The following EPHA5 variants were observed in gnomAD, a reference collection of about 807,000 sequenced individuals.
EPHA5 encodes EPH receptor A5, also known as ephrin type-A receptor 5.
In EPHA5, 60 loss-of-function variants were observed where a neutral mutation model predicts 105.0. The ratio of observed to expected loss-of-function variants is 0.57; its 90% CI spans 0.46 to 0.71. EPHA5 has a LOEUF of 0.71. EPHA5 is among the 30% of genes least tolerant of loss of function. EPHA5 has a pLI of 0.00. For synonymous variants in EPHA5, 513 were observed against 449.1 expected (o/e 1.14, Z -1.80); for missense variants, 1,218 against 1,274.7 (o/e 0.96, Z 0.68).
intron 5 of EPHA5, among the ~76,000 whole-genome samples, chr4:65,422,195 G>C (rs1724010062): frequency 6.6e-6 from 1 of 152,038 alleles, no homozygotes; most frequent in South Asian, 2.1e-4. Flanking sequence ...CCATTTCTGA[G>C]CTCAGAATAG....
At chr4:65,453,156 A>G (rs912072111) in intron 5 of EPHA5, among the ~76,000 whole-genome samples, 9 of 152,206 alleles carry the variant, frequency 5.9e-5, no homozygotes, top group African/African-American at 2.2e-4. Flanking sequence ...ACACATAAAA[A>G]GTTATACCTA....
chr4:65,643,363 C>A lies in EPHA5; in HGVS notation c.246G>T (p.Gly82=), dbSNP rs1241214939. 1 of 1,611,984 alleles carries A rather than the reference C, an allele frequency of 6.2e-7. No individual in the cohort carries two copies. Among genetic ancestry groups the A allele is most frequent in the Non-Finnish European group, 8.5e-7 (1 of 1,178,430 alleles). Residue 82 remains glycine (G), a splice_region_variant and synonymous_variant, in exon 2 of 17, where the codon GGG becomes GGT. Coordinates refer to ENST00000613740, the MANE Select transcript of EPHA5 (RefSeq NM_001281766.3). ...DLGWIAFPKN[G]WEEIGEVDEN... ...TTAGAAAAACTTTCATAAAACTTAC[C>A]CCATTTTTTGGAAAAGCAATCCATC...
At chr4:65,442,605 A>C (rs1286440432) in intron 5 of EPHA5, among the ~76,000 whole-genome samples, 1 of 152,172 alleles carries the variant, frequency 6.6e-6, no homozygotes, top group Non-Finnish European at 1.5e-5. Flanking sequence ...GGACATCCAG[A>C]TATGTAAGTG....
At chr4:65,395,929 C>T (rs557897292) in intron 8 of EPHA5, among the ~76,000 whole-genome samples, 23 of 152,300 alleles carry the variant, frequency 1.5e-4, no homozygotes, top group South Asian at 2.1e-4. Flanking sequence ...CATGGTTATG[C>T]GCTCTATGGA....
intron 1 of EPHA5, among the ~76,000 whole-genome samples, chr4:65,657,194 C>A (rs2149540533): frequency 6.6e-6 from 1 of 151,970 alleles, no homozygotes. Flanking sequence ...TCAAAATAAT[C>A]CAAGAAATCT....
Position 65,563,718 on chromosome 4 carries a change from T to C in EPHA5, c.910+37923A>G, listed in dbSNP as rs373914492. Among the ~76,000 whole-genome samples, 13 of 152,088 alleles carry C rather than the reference T, an allele frequency of 8.5e-5. No individual in the cohort carries two copies. In the East Asian group the frequency reaches 2.5e-3, roughly 29 times the overall value. Reference sequence around the variant, plus strand: ...GCAAGCACTCTTTTGATGAAAATATTTGGAAATTAGCACATGAAAACATTG... The same window carrying C: ...GCAAGCACTCTTTTGATGAAAATATCTGGAAATTAGCACATGAAAACATTG... On this transcript the variant is annotated intron_variant, in intron 3 of 16. Transcript: ENST00000613740.
intron 1 of EPHA5, among the ~76,000 whole-genome samples, chr4:65,651,720 T>C (rs1317413293): frequency 6.6e-6 from 1 of 152,214 alleles, no homozygotes; most frequent in Non-Finnish European, 1.5e-5. Context: ...TCTTCAAAAG[T>C]TAAGCAGTAG....
chr4:65,618,497 C>T (rs1442775730), intron 2 of EPHA5, among the ~76,000 whole-genome samples: 1 of 152,040 alleles, frequency 6.6e-6, no homozygotes, highest in Non-Finnish European at 1.5e-5. Context: ...AATTAGTTTT[C>T]ACAAGAATTT....
chr4:65,422,803 T>G (rs1724062059), intron 5 of EPHA5, among the ~76,000 whole-genome samples: 2 of 152,090 alleles, frequency 1.3e-5, no homozygotes, highest in South Asian at 4.1e-4. Context: ...GTTTTAAATT[T>G]AGAATAGCTT....
At chr4:65,411,957 G>A (rs758550471) in intron 7 of EPHA5, among the ~76,000 whole-genome samples, 71 of 152,116 alleles carry the variant, frequency 4.7e-4, no homozygotes, top group Admixed American at 1.3e-3. Flanking sequence ...GGCTGGGCAC[G>A]GTGGCTGACG....
intron 5 of EPHA5, among the ~76,000 whole-genome samples, chr4:65,460,366 A>G (rs1415269438): frequency 6.6e-6 from 1 of 151,356 alleles, no homozygotes; most frequent in Non-Finnish European, 1.5e-5. Context: ...TTCACCTTCA[A>G]CTATACTATT....
At chr4:65,326,020 T>C (rs1720041956) in intron 16 of EPHA5, among the ~76,000 whole-genome samples, 1 of 148,096 alleles carries the variant, frequency 6.8e-6, no homozygotes. Context: ...ATCTCATATA[T>C]ATATATATCT....
chr4:65,467,433 C>A (rs1728825874), intron 5 of EPHA5, among the ~76,000 whole-genome samples: 1 of 152,166 alleles, frequency 6.6e-6, no homozygotes, highest in South Asian at 2.1e-4. Flanking sequence ...TGAATCTGAA[C>A]TGATCTTTTG....
chr4:65,429,821 T>G lies in EPHA5; in HGVS notation c.1403-9256A>C, dbSNP rs1458449556. ...CTGACATGATTTCTTCAAAATCTGA[T>G]ATTATGCCAGTAGACACAAAAAAAT... On this transcript the variant is annotated intron_variant, in intron 5 of 16. Coordinates refer to ENST00000613740, the MANE Select transcript of EPHA5 (RefSeq NM_001281766.3). Among the ~76,000 whole-genome samples, 28 of 152,226 alleles carry G rather than the reference T, an allele frequency of 1.8e-4. No individual in the cohort carries two copies. The East Asian group carries it at 4.8e-3, about 26-fold the overall frequency.
At chr4:65,331,611 G>T (rs11947629) in intron 16 of EPHA5, 266,248 of 1,067,314 alleles carry the variant, frequency 0.25, 33,552 homozygotes, top group East Asian at 0.35. Context: ...CACACCAATT[G>T]TGCTTACAGT....
chr4:65,495,763 C>T lies in EPHA5; in HGVS notation c.911-220G>A, dbSNP rs554917272. On this transcript the variant is annotated intron_variant, in intron 3 of 16. Coordinates refer to ENST00000613740, the MANE Select transcript of EPHA5 (RefSeq NM_001281766.3). ...AGTACTTAAACATTTATGGAATGTA[C>T]ATACTTGTAATGATTTTTATGCTAC... 1.9e-4 allele frequency among the ~76,000 whole-genome samples: 29 copies of T among 152,116 alleles called. No homozygotes were observed. The East Asian group carries it at 5.4e-3, about 28-fold the overall frequency.
At chr4:65,590,038 A>G (rs1357863478) in intron 3 of EPHA5, among the ~76,000 whole-genome samples, 1 of 152,180 alleles carries the variant, frequency 6.6e-6, no homozygotes, top group East Asian at 1.9e-4. Flanking sequence ...TCTCCTTTAC[A>G]ATCACACAGC....
chr4:65,388,568 GTGA>G (rs1720371012), intron 8 of EPHA5, among the ~76,000 whole-genome samples: 1 of 151,890 alleles, frequency 6.6e-6, no homozygotes. Context: ...CTGATGGCCA[GTGA>G]TGATGAGTAT....
intron 8 of EPHA5, among the ~76,000 whole-genome samples, chr4:65,373,802 C>T (rs1718722970): frequency 6.6e-6 from 1 of 151,642 alleles, no homozygotes; most frequent in African/African-American, 2.4e-5. Flanking sequence ...ACTGCTTTTC[C>T]CTTGCCATTT....
Sources: gnomAD v4.1 joint callset for allele counts (sites outside exome capture counted in the v4.1 genomes callset) on GRCh38, gnomAD v4.1.1 for gene constraint, MANE v1.5 for transcripts, NCBI Gene and HGNC (gene_info 2026-07-23, HGNC 2026-07-21) for gene names.